Variants in NRG3 observed in about 807,000 individuals in gnomAD.
NRG3 encodes the protein neuregulin 3.
A neutral mutation model predicts 66.9 loss-of-function variants in NRG3; 31 were observed. The observed-to-expected ratio is 0.46, with a 90% confidence interval of 0.35 to 0.63. The LOEUF is 0.63. Among genes scored for constraint, NRG3 ranks in the 20% least tolerant of loss-of-function variants. NRG3 has a pLI of 0.00. For synonymous variants in NRG3, 393 were observed against 359.4 expected, an observed-to-expected ratio of 1.09 and a Z score of -1.06; for missense variants, 910 against 878.9, an observed-to-expected ratio of 1.04 and a Z score of -0.45.
At chr10:82,110,206 T>G (rs1429176917) in intron 1 of NRG3, among the ~76,000 whole-genome samples, 1 of 152,134 alleles carries the variant, frequency 6.6e-6, no homozygotes, top group Non-Finnish European at 1.5e-5. Flanking sequence ...CATACAGATA[T>G]CTATGGTGAG....
chr10:82,237,961 T>A (rs896652870), intron 1 of NRG3, among the ~76,000 whole-genome samples: 1 of 152,178 alleles, frequency 6.6e-6, no homozygotes, highest in African/African-American at 2.4e-5. Flanking sequence ...AAAGTATTGG[T>A]TTCAGGTTAC....
rs1841526856 is a variant in NRG3, at chr10:81,875,400, G to A, written c.60G>A (p.Ser20=). Reference sequence around the variant, plus strand: ...GTGCCGCTTCGGCAGCCGCCGCCTCGGCCGAGGAGGGCACCGCGGCGGCTG... The same window carrying A: ...GTGCCGCTTCGGCAGCCGCCGCCTCAGCCGAGGAGGGCACCGCGGCGGCTG... ...PPGAASAAAA[S]AEEGTAAAAA... The change falls in exon 1 of 9, where the codon TCG becomes TCA. Residue 20 remains serine (S), a synonymous_variant. Coordinates refer to ENST00000372141, the MANE Select transcript of NRG3 (RefSeq NM_001010848.4). This position sits in a 1 kb window ranked among gnomAD's most constrained non-coding sequence, Gnocchi z 5.3. 4.0e-6 allele frequency: 4 copies of A among 1,007,136 alleles called. No homozygotes were observed. The highest frequency in any genetic ancestry group is 1.0e-4 in the East Asian group (1 of 9,574). The allele number at this position is 1,007,136 out of a possible 1,614,324, so 62.4% of individuals were successfully genotyped here.
At chr10:82,791,556 T>A (rs2060588451) in intron 3 of NRG3, among the ~76,000 whole-genome samples, 1 of 152,178 alleles carries the variant, frequency 6.6e-6, no homozygotes, top group South Asian at 2.1e-4. Context: ...TCTTGGTTTT[T>A]CAGGATTCAA....
At chr10:82,900,992 C>G (rs185135165) in intron 4 of NRG3, among the ~76,000 whole-genome samples, 1 of 152,144 alleles carries the variant, frequency 6.6e-6, no homozygotes, top group Admixed American at 6.5e-5. Flanking sequence ...CCAAACTAAT[C>G]TAATAAAAGA....
chr10:82,732,531 C>A (rs1259659149), intron 2 of NRG3, among the ~76,000 whole-genome samples: 1 of 152,188 alleles, frequency 6.6e-6, no homozygotes, highest in African/African-American at 2.4e-5. Flanking sequence ...CAAGTACTTA[C>A]TGGCTGTGTG....
In NRG3 at chr10:82,556,115, C is replaced by A. The variant is rs572428503; in HGVS notation, c.954-182462C>A. On this transcript the variant is annotated intron_variant, in intron 2 of 8. Transcript: ENST00000372141. Reference sequence around the variant, plus strand: ...TGATGATGTTCTCCTATTTAAAACACTTTCTGGTTTTTGGTTACATCTCAC... The same window carrying A: ...TGATGATGTTCTCCTATTTAAAACAATTTCTGGTTTTTGGTTACATCTCAC... Among the ~76,000 whole-genome samples the A allele has an allele frequency of 5.9e-5, 9 of 152,260 alleles. No homozygotes were observed. In the South Asian group the frequency reaches 1.7e-3, roughly 28 times the overall value.
intron 1 of NRG3, among the ~76,000 whole-genome samples, chr10:82,151,238 C>T (rs1361224636): frequency 6.6e-6 from 1 of 152,192 alleles, no homozygotes; most frequent in Admixed American, 6.5e-5. Flanking sequence ...CAGGGCCAGG[C>T]ACACAGGAGT....
chr10:81,911,240 G>A (rs976536002), intron 1 of NRG3, among the ~76,000 whole-genome samples: 1 of 152,134 alleles, frequency 6.6e-6, no homozygotes, highest in African/African-American at 2.4e-5. Context: ...TTAGTCAAGT[G>A]GAGAATTCAT....
At chr10:82,359,219 C>A (rs183938740) in intron 2 of NRG3, among the ~76,000 whole-genome samples, 1 of 152,278 alleles carries the variant, frequency 6.6e-6, no homozygotes, top group African/African-American at 2.4e-5. Flanking sequence ...ATAATCTGTT[C>A]TTGAGAACCT....
chr10:82,702,461 G>A (rs1316539421), intron 2 of NRG3, among the ~76,000 whole-genome samples: 1 of 152,148 alleles, frequency 6.6e-6, no homozygotes, highest in African/African-American at 2.4e-5. Flanking sequence ...TACTTAAAAT[G>A]CATATGAAGT....
chr10:82,079,168 C>A (rs969395624), intron 1 of NRG3, among the ~76,000 whole-genome samples: 1 of 151,930 alleles, frequency 6.6e-6, no homozygotes, highest in Non-Finnish European at 1.5e-5. Flanking sequence ...CCTCAGCCTC[C>A]CGAATAGCTG....
chr10:82,347,727 C>T (rs1365538668), intron 1 of NRG3, among the ~76,000 whole-genome samples: 1 of 152,138 alleles, frequency 6.6e-6, no homozygotes, highest in East Asian at 1.9e-4. Flanking sequence ...TCACTCAGGA[C>T]TTGCTTTATG....
intron 2 of NRG3, among the ~76,000 whole-genome samples, chr10:82,396,508 G>C (rs1223635055): frequency 6.6e-6 from 1 of 152,150 alleles, no homozygotes; most frequent in Non-Finnish European, 1.5e-5. Context: ...TGGGGGAAAA[G>C]GGGGCAACAC....
Position 82,158,984 on chromosome 10 carries a change from A to T in NRG3, c.824-199755A>T, listed in dbSNP as rs140621836. Among the ~76,000 whole-genome samples, 547 of 152,036 alleles carry T rather than the reference A, an allele frequency of 3.6e-3. 2 individuals are homozygous for T. Among genetic ancestry groups the T allele is most frequent in the Admixed American group, 6.5e-3 (99 of 15,244 alleles). ...CAAACTTCTGCATGAAGAGCATGAAACAAGAAGAAAATGATAGTCTTTAGC... is the reference window on the plus strand; with the variant it reads ...CAAACTTCTGCATGAAGAGCATGAATCAAGAAGAAAATGATAGTCTTTAGC... On this transcript the variant is annotated intron_variant, in intron 1 of 8. Coordinates refer to ENST00000372141, the MANE Select transcript of NRG3 (RefSeq NM_001010848.4).
chr10:82,871,644 A>G (rs571711634), intron 4 of NRG3, among the ~76,000 whole-genome samples: 1 of 152,086 alleles, frequency 6.6e-6, no homozygotes, highest in South Asian at 2.1e-4. Flanking sequence ...ATTTTGCTAG[A>G]CTTATACCTA....
intron 2 of NRG3, among the ~76,000 whole-genome samples, chr10:82,447,406 A>G (rs547193830): frequency 6.6e-6 from 1 of 152,296 alleles, no homozygotes; most frequent in East Asian, 1.9e-4. Context: ...CAACATAGTG[A>G]GGCCCCATCC....
At chr10:81,964,526 G>T (rs1299033860) in intron 1 of NRG3, among the ~76,000 whole-genome samples, 1 of 151,786 alleles carries the variant, frequency 6.6e-6, no homozygotes, top group Non-Finnish European at 1.5e-5. Flanking sequence ...GATGAACGTT[G>T]AGATTGTTTC....
At chr10:82,122,806 CTT>C (rs1291751928) in intron 1 of NRG3, among the ~76,000 whole-genome samples, 1 of 152,078 alleles carries the variant, frequency 6.6e-6, no homozygotes, top group Non-Finnish European at 1.5e-5. Flanking sequence ...TTTCAACTCT[CTT>C]ATTAATTTCC....
At chr10:82,481,647 A>G (rs184662561) in intron 2 of NRG3, among the ~76,000 whole-genome samples, 20 of 152,340 alleles carry the variant, frequency 1.3e-4, no homozygotes, top group Non-Finnish European at 2.9e-5. Flanking sequence ...AATTCTATTC[A>G]TAAATATTAC....
Sources: allele counts gnomAD v4.1 joint callset (sites outside exome capture counted in the v4.1 genomes callset), GRCh38; gene constraint gnomAD v4.1.1; non-coding constraint Gnocchi (gnomAD v3.1); transcripts MANE v1.5; gene names NCBI Gene and HGNC (gene_info 2026-07-23, HGNC 2026-07-21).